The following CSMD1 variants were observed in gnomAD, a reference collection of about 807,000 sequenced individuals.
CSMD1 encodes CUB and Sushi multiple domains 1.
A neutral mutation model predicts 417.5 loss-of-function variants in CSMD1; 213 were observed. The ratio of observed to expected loss-of-function variants is 0.51; its 90% CI spans 0.46 to 0.57. CSMD1 has a LOEUF of 0.57. Ranked by LOEUF, CSMD1 falls within the 20% of genes least tolerant of loss-of-function variation. CSMD1 has a pLI of 0.00. For synonymous variants in CSMD1, 2,862 were observed against 1,736.8 expected, an observed-to-expected ratio of 1.65 and a Z score of -16.11; for missense variants, 6,923 against 4,529.7, an observed-to-expected ratio of 1.53 and a Z score of -15.17.
chr8:3,524,472 G>A (rs377029525), intron 10 of CSMD1, among the ~76,000 whole-genome samples: 7 of 148,546 alleles, frequency 4.7e-5, no homozygotes, highest in South Asian at 2.2e-4. Context: ...TGCACACCCA[G>A]AAAGACATGT....
intron 7 of CSMD1, among the ~76,000 whole-genome samples, chr8:3,657,905 C>G (rs538915890): frequency 6.6e-6 from 1 of 152,096 alleles, no homozygotes; most frequent in African/African-American, 2.4e-5. Flanking sequence ...AGCTTCTGTG[C>G]AAATTTTTCT....
At chr8:4,976,253 C>A (rs1428000896) in intron 1 of CSMD1, among the ~76,000 whole-genome samples, 1 of 152,152 alleles carries the variant, frequency 6.6e-6, no homozygotes, top group African/African-American at 2.4e-5. Flanking sequence ...CTGAGTTAAG[C>A]AATACACCTG....
At chr8:3,678,477 A>C (rs1389376133) in intron 7 of CSMD1, among the ~76,000 whole-genome samples, 2 of 152,190 alleles carry the variant, frequency 1.3e-5, no homozygotes, top group East Asian at 3.9e-4. Context: ...TAAGAAGAGA[A>C]GTTTAGAGAA....
At chr8:3,954,603 C>T (rs150601893) in intron 5 of CSMD1, among the ~76,000 whole-genome samples, 2 of 152,216 alleles carry the variant, frequency 1.3e-5, no homozygotes, top group Admixed American at 1.3e-4. Context: ...ACCTCGTGAT[C>T]CGCCCACCTT....
intron 3 of CSMD1, among the ~76,000 whole-genome samples, chr8:4,044,408 G>T (rs190200951): frequency 1.3e-5 from 2 of 152,084 alleles, no homozygotes; most frequent in African/African-American, 2.4e-5. Flanking sequence ...AGTCTACTTT[G>T]TGTCATTCCA....
intron 5 of CSMD1, among the ~76,000 whole-genome samples, chr8:3,865,947 G>A (rs934657087): frequency 6.6e-6 from 1 of 152,044 alleles, no homozygotes; most frequent in South Asian, 2.1e-4. Flanking sequence ...CTCGTGTCTG[G>A]GAATGTAATT....
intron 2 of CSMD1, among the ~76,000 whole-genome samples, chr8:4,503,032 T>C (rs1227475469): frequency 6.7e-6 from 1 of 150,258 alleles, no homozygotes; most frequent in African/African-American, 2.4e-5. Context: ...TTGAAACGTT[T>C]ATGAAAATAC....
chr8:3,350,115 GT>G (rs1467661391), intron 21 of CSMD1, among the ~76,000 whole-genome samples: 2 of 122,432 alleles, frequency 1.6e-5, no homozygotes, highest in African/African-American at 6.4e-5. Context: ...TTGTGTATGT[GT>G]GTGTTACAAT....
intron 48 of CSMD1, among the ~76,000 whole-genome samples, chr8:3,091,067 T>A (rs186230183): frequency 6.6e-6 from 1 of 152,030 alleles, no homozygotes; most frequent in Non-Finnish European, 1.5e-5. Flanking sequence ...AATATATATA[T>A]ACACATATAT....
intron 42 of CSMD1, 143 bp from the exon 43 acceptor site, chr8:3,110,478 C>G (rs1816438823): frequency 6.4e-6 from 4 of 624,898 alleles, no homozygotes; most frequent in Non-Finnish European, 1.0e-5. Flanking sequence ...ACCATTTTGT[C>G]AAAATTACTG....
chr8:4,349,693 C>A (rs1481140375), intron 3 of CSMD1, among the ~76,000 whole-genome samples: 1 of 152,078 alleles, frequency 6.6e-6, no homozygotes, highest in African/African-American at 2.4e-5. Context: ...CAATTTCTAT[C>A]ATACCTATAA....
intron 2 of CSMD1, among the ~76,000 whole-genome samples, chr8:4,561,456 G>T (rs1025718308): frequency 6.6e-6 from 1 of 152,336 alleles, no homozygotes; most frequent in African/African-American, 2.4e-5. Context: ...GCTGATGCAG[G>T]TGAAGCACTT....
chr8:4,183,568 A>G (rs186103690), intron 3 of CSMD1, among the ~76,000 whole-genome samples: 1 of 152,200 alleles, frequency 6.6e-6, no homozygotes, highest in Non-Finnish European at 1.5e-5. Context: ...CATTCCTTTA[A>G]AATTTGAACT....
intron 2 of CSMD1, among the ~76,000 whole-genome samples, chr8:4,458,766 T>C (rs1041384009): frequency 2.6e-5 from 4 of 152,162 alleles, no homozygotes. Flanking sequence ...TTTTATGCAT[T>C]GAATAAGATA....
chr8:3,787,882 G>C (rs189213097), intron 5 of CSMD1, among the ~76,000 whole-genome samples: 2 of 152,198 alleles, frequency 1.3e-5, no homozygotes, highest in South Asian at 2.1e-4. Flanking sequence ...AAGTATGAGA[G>C]AGTGTTACTC....
In CSMD1 at chr8:3,308,446, C is replaced by A. The variant is rs370069615; in HGVS notation, c.3689G>T (p.Arg1230Leu). 4 of 1,613,788 alleles carry A rather than the reference C, an allele frequency of 2.5e-6. No homozygotes were observed. The highest frequency in any genetic ancestry group is 3.4e-6 in the Non-Finnish European group (4 of 1,179,798). ...AGTGTCGGTAAAGTGGCCTTCATCA[C>A]GGATCCTATAGCCGTAGTTAGGGAT... ...PGIPNYGYRI[R>L]DEGHFTDTVV... is the part of the protein sequence containing the mutation. Residue 1230 changes from arginine (R) to leucine (L), a missense_variant, in exon 24 of 70, where the codon CGT (arginine) becomes CTT (leucine). Coordinates refer to ENST00000635120, the MANE Select transcript of CSMD1 (RefSeq NM_033225.6).
At chr8:3,717,223 A>G (rs983576993) in intron 6 of CSMD1, among the ~76,000 whole-genome samples, 26 of 152,336 alleles carry the variant, frequency 1.7e-4, no homozygotes, top group African/African-American at 6.3e-4. Flanking sequence ...ATATTAGTAA[A>G]CGTACCTTTC....
intron 2 of CSMD1, among the ~76,000 whole-genome samples, chr8:4,509,684 T>G (rs1034911154): frequency 1.3e-5 from 2 of 152,118 alleles, no homozygotes; most frequent in Middle Eastern, 3.2e-3. Context: ...ATCACAGTCA[T>G]GCTGATAATA....
intron 2 of CSMD1, among the ~76,000 whole-genome samples, chr8:4,628,123 G>A (rs200337340): frequency 2.9e-4 from 43 of 148,120 alleles, no homozygotes; most frequent in East Asian, 6.0e-4. Context: ...CTGTGTGTGT[G>A]TATATATATA....
Sources: allele counts gnomAD v4.1 joint callset (sites outside exome capture counted in the v4.1 genomes callset), GRCh38; gene constraint gnomAD v4.1.1; transcripts MANE v1.5; gene names NCBI Gene and HGNC (gene_info 2026-07-23, HGNC 2026-07-21).